Variants in DAB1 observed in about 807,000 individuals in gnomAD.
DAB1 encodes disabled homolog 1.
In DAB1, 15 loss-of-function variants were observed where a neutral mutation model predicts 64.6. The ratio of observed to expected loss-of-function variants is 0.23; its 90% confidence interval spans 0.16 to 0.36. The LOEUF (loss-of-function observed/expected upper bound fraction) is 0.36. DAB1 is among the 10% of genes least tolerant of loss of function. The pLI, the probability that DAB1 is intolerant of heterozygous loss-of-function variation, is 1.00. For missense variants in DAB1, 596 were observed against 706.7 expected (o/e 0.84, Z 1.78); for synonymous variants, 235 against 251.9 (o/e 0.93, Z 0.64).
intron 7 of DAB1, among the ~76,000 whole-genome samples, chr1:57,475,117 A>T (rs1407045855): frequency 6.6e-6 from 1 of 152,088 alleles, no homozygotes; most frequent in African/African-American, 2.4e-5. Flanking sequence ...AAAATTAGCC[A>T]AAAACAAAAA....
rs138627806 is a variant in DAB1 at position 57,318,004 on chromosome 1, C to T, written c.-136-26838G>A. Among the ~76,000 whole-genome samples, 813 of 152,154 alleles carry T rather than the reference C, an allele frequency of 5.3e-3. 10 individuals carry two copies. The highest frequency in any genetic ancestry group is 0.018 in the African/African-American group (746 of 41,502). On this transcript the variant is annotated intron_variant, in intron 1 of 14. Transcript: ENST00000371236. The stretch of plus-strand genomic sequence containing the variant: ...CGTTTGTAAATTTTACAGTCAATGC[C>T]ATTTGTATCTAAGTTCATTTGAATA...
chr1:58,478,279 T>A (rs559344204), intron 3 of DAB1, among the ~76,000 whole-genome samples: 1 of 152,310 alleles, frequency 6.6e-6, no homozygotes, highest in African/African-American at 2.4e-5. Flanking sequence ...GTGAGATTCC[T>A]GAAGCCTCCC....
intron 4 of DAB1, among the ~76,000 whole-genome samples, chr1:57,081,650 A>G (rs1202373555): frequency 2.0e-5 from 3 of 151,812 alleles, no homozygotes; most frequent in Non-Finnish European, 4.4e-5. Context: ...AGATTTCTGA[A>G]CAATATAATA....
intron 5 of DAB1, among the ~76,000 whole-genome samples, chr1:58,014,958 A>G (rs1646717912): frequency 6.6e-6 from 1 of 152,222 alleles, no homozygotes; most frequent in Non-Finnish European, 1.5e-5. Context: ...GCAGTTTCCA[A>G]AGGCTGTGCT....
rs371920632 is a variant in DAB1 at position 57,642,165 on chromosome 1, G to GA, written n.625+7426dup. On this transcript the variant is annotated intron_variant and non_coding_transcript_variant, in intron 7 of 20. Coordinates refer to the DAB1 transcript ENST00000485760. ...AGATGCAAAACAAACAAGAAACAAT[G>GA]AAAAAACATGTCTCAGTACCATAGG... Among the ~76,000 whole-genome samples the GA allele has an allele frequency of 3.8e-3, 581 of 151,990 alleles. 4 individuals carry two copies. Among genetic ancestry groups the GA allele is most frequent in the African/African-American group, 0.013 (529 of 41,502 alleles).
At chr1:57,118,244 T>A (rs553674298) in intron 4 of DAB1, among the ~76,000 whole-genome samples, 29 of 152,166 alleles carry the variant, frequency 1.9e-4, no homozygotes, top group Admixed American at 3.9e-4. Context: ...GAACAGACTC[T>A]CTAATGACAG....
intron 6 of DAB1, among the ~76,000 whole-genome samples, chr1:57,798,560 T>C (rs950533265): frequency 3.3e-5 from 5 of 152,232 alleles, no homozygotes; most frequent in Non-Finnish European, 7.3e-5. Context: ...GTTGGCCATT[T>C]CATGTCATGG....
intron 1 of DAB1, among the ~76,000 whole-genome samples, chr1:57,333,041 G>C (rs1173073621): frequency 6.6e-6 from 1 of 152,172 alleles, no homozygotes; most frequent in South Asian, 2.1e-4. Flanking sequence ...GGTAATGAGA[G>C]GTCATCCCCA....
intron 3 of DAB1, among the ~76,000 whole-genome samples, chr1:58,395,825 A>T (rs184166953): frequency 6.6e-6 from 1 of 152,326 alleles, no homozygotes; most frequent in African/African-American, 2.4e-5. Flanking sequence ...TTCAGCATTG[A>T]AAAAAGACAG....
intron 14 of DAB1, among the ~76,000 whole-genome samples, chr1:57,003,289 G>A (rs1645939001): frequency 6.6e-6 from 1 of 152,158 alleles, no homozygotes; most frequent in Admixed American, 6.5e-5. Context: ...TCACAGAACT[G>A]GAGTAATAAT....
At chr1:58,342,661 G>C (rs1643953260) in intron 4 of DAB1, among the ~76,000 whole-genome samples, 1 of 151,918 alleles carries the variant, frequency 6.6e-6, no homozygotes, top group South Asian at 2.1e-4. Context: ...CAATTTCATT[G>C]TTTCTCCAAT....
intron 1 of DAB1, among the ~76,000 whole-genome samples, chr1:57,409,586 G>A (rs569753875): frequency 2.6e-5 from 4 of 152,230 alleles, no homozygotes; most frequent in East Asian, 3.9e-4. Flanking sequence ...CGAGGTGGGC[G>A]GATCATGAGG....
intron 4 of DAB1, among the ~76,000 whole-genome samples, chr1:58,323,606 G>T (rs959020367): frequency 3.3e-5 from 5 of 151,914 alleles, no homozygotes; most frequent in Non-Finnish European, 7.4e-5. Context: ...CTCTTTTATT[G>T]TCTGTTGAGT....
intron 6 of DAB1, among the ~76,000 whole-genome samples, chr1:57,687,599 C>CAAAAAAAAAAAAAAAAAAAAGA (rs1646714944): frequency 1.2e-5 from 1 of 82,438 alleles, no homozygotes; most frequent in African/African-American, 4.4e-5. Context: ...TCTTAAGAAA[C>CAAAAAAAAAAAAAAAAAAAAGA]AAAAAAAAAA....
intron 7 of DAB1, 68 bp from the exon 8 acceptor site, chr1:57,069,493 G>T: frequency 7.6e-7 from 1 of 1,323,712 alleles, no homozygotes; most frequent in Non-Finnish European, 1.1e-6. Flanking sequence ...CAAGCATTTG[G>T]AAATTAAGAT....
At chr1:58,393,361 A>G (rs1181150558) in intron 3 of DAB1, among the ~76,000 whole-genome samples, 1 of 152,212 alleles carries the variant, frequency 6.6e-6, no homozygotes, top group Non-Finnish European at 1.5e-5. Context: ...AAATCAAATA[A>G]TAACAGTTAG....
chr1:57,894,246 C>G (rs1166626580), intron 5 of DAB1, among the ~76,000 whole-genome samples: 1 of 152,300 alleles, frequency 6.6e-6, no homozygotes, highest in East Asian at 1.9e-4. Context: ...ACATTCACTC[C>G]TGCTCTACAG....
At chr1:57,381,697 G>T (rs1016529708) in intron 1 of DAB1, among the ~76,000 whole-genome samples, 2 of 152,110 alleles carry the variant, frequency 1.3e-5, no homozygotes, top group Admixed American at 1.3e-4. Context: ...ATGTACAGAG[G>T]CTCCCAAATC....
intron 7 of DAB1, among the ~76,000 whole-genome samples, chr1:57,439,717 G>T (rs974300482): frequency 6.6e-6 from 1 of 151,318 alleles, no homozygotes; most frequent in Non-Finnish European, 1.5e-5. Context: ...GTGAGCCACC[G>T]CACCCGGCCA....
Sources: gnomAD v4.1 joint callset for allele counts (sites outside exome capture counted in the v4.1 genomes callset) on GRCh38, gnomAD v4.1.1 for gene constraint, MANE v1.5 for transcripts, NCBI Gene and HGNC (gene_info 2026-07-23, HGNC 2026-07-21) for gene names.